The following MGAT5 variants were observed in gnomAD, a reference collection of about 807,000 sequenced individuals.
MGAT5 encodes alpha-1,6-mannosylglycoprotein 6-beta-N-acetylglucosaminyltransferase, also known as alpha-1,6-mannosylglycoprotein 6-beta-N-acetylglucosaminyltransferase A.
MGAT5 carries 30 observed loss-of-function variants against 94.3 expected under a neutral mutation model. That is an observed-to-expected ratio of 0.32 (90% CI 0.24 to 0.43). The LOEUF is 0.43. MGAT5 is among the 20% of genes least tolerant of loss of function. The probability of loss-of-function intolerance (pLI) is 1.00; values close to 1 mark genes in which losing one functional copy is unlikely to be tolerated. For missense variants in MGAT5, 691 were observed against 905.5 expected (o/e 0.76, Z 3.04); for synonymous variants, 310 against 322.9 (o/e 0.96, Z 0.43).
chr2:134,124,235 A>G (rs1558944421), intron 1 of MGAT5, among the ~76,000 whole-genome samples: 2 of 152,242 alleles, frequency 1.3e-5, no homozygotes, highest in East Asian at 1.9e-4. Context: ...CAGGAGCCTT[A>G]GCACTGTAAC....
intron 1 of MGAT5, among the ~76,000 whole-genome samples, chr2:134,255,097 A>C (rs1410761937): frequency 6.6e-6 from 1 of 152,216 alleles, no homozygotes; most frequent in African/African-American, 2.4e-5. Context: ...TCCTCCCTCC[A>C]GCCAATAAAT....
chr2:134,130,014 G>A (rs1475594923), intron 1 of MGAT5, among the ~76,000 whole-genome samples: 3 of 152,318 alleles, frequency 2.0e-5, no homozygotes, highest in Non-Finnish European at 4.4e-5. Flanking sequence ...CGTGGGCTCC[G>A]CGGGCCCCGC....
exon 1 of MGAT5, chr2:134,120,230 C>A (rs942599618): frequency 2.8e-6 from 1 of 363,386 alleles, no homozygotes; most frequent in Non-Finnish European, 4.9e-6. Context: ...CCTCGCGCCT[C>A]GGGCCGCGTG....
intron 1 of MGAT5, among the ~76,000 whole-genome samples, chr2:134,226,164 A>G (rs1383737218): frequency 6.6e-6 from 1 of 152,220 alleles, no homozygotes; most frequent in African/African-American, 2.4e-5. Context: ...AATGGAAGTC[A>G]TGTTATCTTT....
intron 1 of MGAT5, among the ~76,000 whole-genome samples, chr2:134,145,025 G>A (rs1686846068): frequency 6.6e-6 from 1 of 152,242 alleles, no homozygotes; most frequent in Admixed American, 6.5e-5. Context: ...CTGAATACTT[G>A]TGGAACTTGA....
chr2:134,184,417 TCTGGGCATGTG>T (rs1226793356), intron 1 of MGAT5, among the ~76,000 whole-genome samples: 2 of 152,022 alleles, frequency 1.3e-5, no homozygotes, highest in Admixed American at 1.3e-4. Flanking sequence ...CTAGTTCTGC[TCTGGGCATGTG>T]CTCTTCTCTC....
rs375484383 is a variant in MGAT5, at chr2:134,333,432, T to G, written c.574-2785T>G. 2.9e-4 allele frequency among the ~76,000 whole-genome samples: 25 copies of G among 85,174 alleles called. No individual in the cohort carries two copies. The East Asian group carries it at 0.01, about 34-fold the overall frequency. The allele number at this position is 85,174 out of a possible 152,430, so 55.9% of individuals were successfully genotyped here. A position where few individuals can be genotyped will look rare whatever the true frequency, so the allele number is the denominator to read the frequency against. On this transcript the variant is annotated intron_variant, in intron 4 of 15. Transcript: ENST00000281923. ...GGGAACATCACACTCTGGGGACTGT[T>G]GTGGGGTGGGGGGAGGGGGGAGGGA...
intron 9 of MGAT5, among the ~76,000 whole-genome samples, chr2:134,352,655 C>T (rs1308238809): frequency 6.6e-6 from 1 of 152,102 alleles, no homozygotes; most frequent in Non-Finnish European, 1.5e-5. Flanking sequence ...TCTTAATGTT[C>T]CCTATTTTGA....
At chr2:134,291,686 CAT>C (rs1233383352) in intron 2 of MGAT5, among the ~76,000 whole-genome samples, 3 of 152,152 alleles carry the variant, frequency 2.0e-5, no homozygotes, top group African/African-American at 7.2e-5. Flanking sequence ...GGGCAAGAGA[CAT>C]ATGGACTCAG....
At chr2:134,403,173 T>C in intron 11 of MGAT5, 36 bp downstream of exon 11, 1 of 1,561,494 alleles carries the variant, frequency 6.4e-7, no homozygotes. Flanking sequence ...TTCAGGTTAT[T>C]GCCATTGGCT....
In MGAT5 at chr2:134,422,881, G is replaced by T; in HGVS notation, c.1756G>T (p.Glu586Ter). The T allele has an allele frequency of 6.2e-7, 1 of 1,613,870 alleles. No homozygotes were observed. The highest frequency in any genetic ancestry group is 8.5e-7 in the Non-Finnish European group (1 of 1,179,772). Residue 586 changes from glutamate to a stop codon, truncating the protein, a stop_gained, in exon 13 of 16, where the codon GAA becomes TAA. Coordinates refer to ENST00000281923, the MANE Select transcript of MGAT5 (RefSeq NM_002410.5). LOFTEE classifies it high-confidence loss of function. Reference protein sequence around the residue: ...VWTVDLNNQEEVEDAVKAILN... With the variant: ...VWTVDLNNQE ...GACTGTTGACCTCAACAATCAGGAG[G>T]AAGTAGAGGATGCAGTGAAAGCAAT... is the stretch of plus-strand genomic sequence containing the variant.
At chr2:134,384,513 T>C (rs901672860) in intron 10 of MGAT5, among the ~76,000 whole-genome samples, 3 of 152,228 alleles carry the variant, frequency 2.0e-5, no homozygotes, top group African/African-American at 7.2e-5. Flanking sequence ...AAAATATTAG[T>C]AAAACAAAGT....
intron 1 of MGAT5, among the ~76,000 whole-genome samples, chr2:134,237,309 T>A (rs1320890002): frequency 6.6e-6 from 1 of 152,214 alleles, no homozygotes; most frequent in Admixed American, 6.5e-5. Context: ...GATTCTACTC[T>A]CTGTCATGGG....
chr2:134,129,239 A>G (rs1044013854), intron 1 of MGAT5, among the ~76,000 whole-genome samples: 11 of 152,126 alleles, frequency 7.2e-5, no homozygotes, highest in African/African-American at 2.7e-4. Flanking sequence ...TCCAGTTTCA[A>G]TGCCAGCAAT....
At chr2:134,258,223 C>G (rs1055192451) in intron 1 of MGAT5, among the ~76,000 whole-genome samples, 2 of 152,156 alleles carry the variant, frequency 1.3e-5, no homozygotes, top group African/African-American at 2.4e-5. Flanking sequence ...GTAACAAATG[C>G]AATAACAGAT....
intron 10 of MGAT5, among the ~76,000 whole-genome samples, chr2:134,384,336 A>G (rs909844118): frequency 2.0e-5 from 3 of 151,458 alleles, no homozygotes; most frequent in African/African-American, 7.3e-5. Context: ...CTTCCTGTCC[A>G]CTATCCTTTT....
Position 134,341,731 on chromosome 2 carries a change from A to T in MGAT5, c.949A>T (p.Ile317Phe). 1 of 1,611,180 alleles carries T rather than the reference A, an allele frequency of 6.2e-7. No individual in the cohort carries two copies. The highest frequency in any genetic ancestry group is 8.5e-7 in the Non-Finnish European group (1 of 1,178,828). Reference protein sequence around the residue: ...SLYLLGHDIRISASLAELKEI... With the variant: ...SLYLLGHDIRFSASLAELKEI... ...GTACTTACTGGGCCATGACATTAGGATTTCAGCTTCACTGGCTGAGCTCAA... is the reference window on the plus strand; with the variant it reads ...GTACTTACTGGGCCATGACATTAGGTTTTCAGCTTCACTGGCTGAGCTCAA... Residue 317 changes from isoleucine (I) to phenylalanine (F), a missense_variant, in exon 7 of 16, where the codon ATT becomes TTT. Physicochemically the swap from Ile to Phe is conservative, Grantham distance 21. Transcript: ENST00000281923.
intron 4 of MGAT5, 152 bp from the exon 5 acceptor site, chr2:134,336,065 A>T: frequency 1.6e-6 from 1 of 607,598 alleles, no homozygotes; most frequent in Non-Finnish European, 2.8e-6. Flanking sequence ...TATCTGGAAT[A>T]CTAGCTAAAA....
intron 14 of MGAT5, among the ~76,000 whole-genome samples, chr2:134,437,651 A>G (rs139421649): frequency 0.021 from 3,190 of 152,278 alleles, 50 homozygotes; most frequent in Non-Finnish European, 0.034. Context: ...GATTTGGTGT[A>G]TGTGGATTTT....
Sources: allele counts gnomAD v4.1 joint callset (sites outside exome capture counted in the v4.1 genomes callset), GRCh38; gene constraint gnomAD v4.1.1; transcripts MANE v1.5; gene names NCBI Gene and HGNC (gene_info 2026-07-23, HGNC 2026-07-21).